The following SLC18A1 variants were observed in gnomAD, a reference collection of about 807,000 sequenced individuals.
SLC18A1 encodes the protein chromaffin granule amine transporter.
SLC18A1 carries 69 observed loss-of-function variants against 53.7 expected under a neutral mutation model. The observed-to-expected ratio is 1.28, with a 90% CI of 1.06 to 1.57. The LOEUF (loss-of-function observed/expected upper bound fraction) is 1.57, where lower values mean the gene tolerates loss of function less well. Ranked by LOEUF, SLC18A1 falls within the 40% of genes most tolerant of loss-of-function variation. The pLI is 0.00. For synonymous variants in SLC18A1, 320 were observed against 248.1 expected (o/e 1.29, Z -2.72); for missense variants, 932 against 668.1 (o/e 1.40, Z -4.35).
intron 1 of SLC18A1, chr8:20,181,789 G>C (rs2072434826): frequency 6.6e-6 from 1 of 152,040 alleles, no homozygotes; most frequent in Non-Finnish European, 1.5e-5. Context: ...CTGAAGGTTA[G>C]GAGATTTGTT....
At chr8:20,147,919 C>A (rs2071443463) in intron 13 of SLC18A1, 88 bp downstream of exon 13, 1 of 1,496,994 alleles carries the variant, frequency 6.7e-7, no homozygotes, top group Non-Finnish European at 9.2e-7. Context: ...CTGCACCTAC[C>A]TCCTCTGATG....
intron 15 of SLC18A1, among the ~76,000 whole-genome samples, chr8:20,146,638 C>T (rs2071406723): frequency 6.6e-6 from 1 of 152,126 alleles, no homozygotes; most frequent in Non-Finnish European, 1.5e-5. Flanking sequence ...TGCTGACCAA[C>T]ATGGATAAAC....
chr8:20,171,641 A>G, intron 6 of SLC18A1, 147 bp from the exon 7 acceptor site: 2 of 655,944 alleles, frequency 3.0e-6, no homozygotes, highest in Non-Finnish European at 5.5e-6. Flanking sequence ...AGATGGAGAC[A>G]TGATCCCTGT....
intron 10 of SLC18A1, among the ~76,000 whole-genome samples, chr8:20,164,423 A>G (rs1423164853): frequency 6.6e-6 from 1 of 152,206 alleles, no homozygotes; most frequent in East Asian, 1.9e-4. Context: ...AATGGTGCAC[A>G]TTAATATTGT....
chr8:20,157,071 A>C (rs2071701128), intron 10 of SLC18A1, among the ~76,000 whole-genome samples: 1 of 152,134 alleles, frequency 6.6e-6, no homozygotes, highest in Admixed American at 6.5e-5. Context: ...CTAATCCGGT[A>C]AGCAGATGTC....
At chr8:20,148,826 A>G (rs938479040) in intron 12 of SLC18A1, among the ~76,000 whole-genome samples, 6 of 152,184 alleles carry the variant, frequency 3.9e-5, no homozygotes, top group Admixed American at 3.3e-4. Flanking sequence ...TAAATTATCA[A>G]TAGTATTGGC....
rs141620870 is a variant in SLC18A1, at chr8:20,146,731, G to A, written c.1464+527C>T. Among the ~76,000 whole-genome samples, 997 of 151,772 alleles carry A rather than the reference G, an allele frequency of 6.6e-3. 8 individuals are homozygous for A. The highest frequency in any genetic ancestry group is 0.023 in the African/African-American group (960 of 41,330). ...CCCAGCTACTTGGGATGCCAAGGCAGGAGAATCTCTTGAACCCGGGAGGCA... is the reference window on the plus strand; with the variant it reads ...CCCAGCTACTTGGGATGCCAAGGCAAGAGAATCTCTTGAACCCGGGAGGCA... On this transcript the variant is annotated intron_variant, in intron 15 of 15. Coordinates refer to ENST00000276373, the MANE Select transcript of SLC18A1 (RefSeq NM_003053.4).
chr8:20,181,034 T>A lies in SLC18A1; in HGVS notation c.-70A>T. 6.7e-7 allele frequency: 1 copy of A among 1,501,316 alleles called. No individual in the cohort carries two copies. The highest frequency in any genetic ancestry group is 9.0e-7 in the Non-Finnish European group (1 of 1,116,364). 93.0% of individuals were successfully genotyped at this position (1,501,316 alleles called of 1,614,324 possible). On this transcript the variant is annotated 5_prime_UTR_variant, in exon 2 of 16. Transcript: ENST00000276373. ...GAAGGTCCTGTGACAGCTACAGGTC[T>A]CCTGCAGCCTTTATGGAAGAGGGGA...
chr8:20,171,057 A>C, intron 8 of SLC18A1, 46 bp downstream of exon 8: 1 of 1,595,442 alleles, frequency 6.3e-7, no homozygotes, highest in Non-Finnish European at 8.6e-7. Flanking sequence ...TCCTGCATTC[A>C]GCCATCCTGT....
chr8:20,152,921 A>G (rs1244204562), intron 10 of SLC18A1, among the ~76,000 whole-genome samples: 1 of 152,148 alleles, frequency 6.6e-6, no homozygotes, highest in East Asian at 1.9e-4. Flanking sequence ...GTGGGTTCAG[A>G]TGCAGGATAT....
At chr8:20,163,992 G>A (rs1037326548) in intron 10 of SLC18A1, among the ~76,000 whole-genome samples, 3 of 152,154 alleles carry the variant, frequency 2.0e-5, no homozygotes, top group South Asian at 4.1e-4. Context: ...TCAATTAATC[G>A]TCATGGTCAA....
intron 12 of SLC18A1, 93 bp downstream of exon 12, chr8:20,149,583 T>TGC: frequency 1.0e-6 from 1 of 986,780 alleles, no homozygotes; most frequent in Non-Finnish European, 1.5e-6. Flanking sequence ...TCTCTCTCTC[T>TGC]CTCTCCCTCT....
At chr8:20,179,053 C>G (rs1383660876) in intron 3 of SLC18A1, 68 bp downstream of exon 3, 17 of 1,515,324 alleles carry the variant, frequency 1.1e-5, no homozygotes, top group Non-Finnish European at 1.4e-5. Flanking sequence ...CCTTCCAACC[C>G]CCTTTCTATA....
intron 10 of SLC18A1, among the ~76,000 whole-genome samples, chr8:20,151,273 C>T (rs2071548364): frequency 6.6e-6 from 1 of 151,962 alleles, no homozygotes; most frequent in Non-Finnish European, 1.5e-5. Context: ...AGATGTGAGC[C>T]CCCACACCTG....
chr8:20,151,137 G>GTTTTTTTTTT (rs1243438208), intron 10 of SLC18A1: 1 of 101,476 alleles, frequency 9.9e-6, no homozygotes, highest in African/African-American at 3.4e-5. Flanking sequence ...ACACCTAGTT[G>GTTTTTTTTTT]TTTTTTTTTG....
chr8:20,171,402 T>G lies in SLC18A1; in HGVS notation c.814+3A>C, dbSNP rs767825735. 4.3e-6 allele frequency: 7 copies of G among 1,611,722 alleles called. No homozygotes were observed. In the South Asian group the frequency reaches 7.7e-5, roughly 18 times the overall value. On this transcript the variant is annotated splice_donor_region_variant and intron_variant, in intron 7 of 15. Transcript: ENST00000276373. The stretch of plus-strand genomic sequence containing the variant: ...CCTGCTGGAGGCTCTGATGGTGACT[T>G]ACCTCCATCCAGTAGTGCCAGGAAG...
intron 10 of SLC18A1, among the ~76,000 whole-genome samples, chr8:20,158,388 A>G (rs1585200353): frequency 6.6e-6 from 1 of 152,326 alleles, no homozygotes; most frequent in East Asian, 1.9e-4. Flanking sequence ...TCGCAAAAGC[A>G]GGGGCCATTA....
rs1294397212 is a variant in SLC18A1, at chr8:20,180,903, T to A, written c.62A>T (p.Gln21Leu). ...RLLKEGRASR[Q>L]LVLVVVFVAL... The stretch of plus-strand genomic sequence containing the variant: ...GACGAATACCACCACCAGCACCAGC[T>A]GCCGGGACGCTCTCCCCTCCTTCAG... Residue 21 changes from glutamine to leucine, a missense_variant, in exon 2 of 16, where the codon CAG becomes CTG. Physicochemically the swap from Gln to Leu is moderately radical, Grantham distance 113. Transcript: ENST00000276373. The A allele has an allele frequency of 6.2e-7, 1 of 1,612,688 alleles. No individual in the cohort carries two copies. Among genetic ancestry groups the A allele is most frequent in the Non-Finnish European group, 8.5e-7 (1 of 1,179,378 alleles).
chr8:20,154,128 C>T (rs2071626062), intron 10 of SLC18A1, among the ~76,000 whole-genome samples: 1 of 152,180 alleles, frequency 6.6e-6, no homozygotes, highest in Non-Finnish European at 1.5e-5. Flanking sequence ...CATGTAGAAC[C>T]ATAAGCCAAA....
Sources: allele counts gnomAD v4.1 joint callset (sites outside exome capture counted in the v4.1 genomes callset), GRCh38; gene constraint gnomAD v4.1.1; transcripts MANE v1.5; gene names NCBI Gene and HGNC (gene_info 2026-07-23, HGNC 2026-07-21).